The following GRIA4 variants were observed in gnomAD, a reference collection of about 807,000 sequenced individuals.
GRIA4 encodes glutamate receptor 4.
In GRIA4, 34 loss-of-function variants were observed where a neutral mutation model predicts 104.0. The observed-to-expected ratio is 0.33, with a 90% CI of 0.25 to 0.44. The LOEUF is 0.44. GRIA4 is among the 20% of genes least tolerant of loss of function. The pLI is 1.00. For missense variants in GRIA4, 750 were observed against 1,096.5 expected (o/e 0.68, Z 4.46); for synonymous variants, 386 against 381.9 (o/e 1.01, Z -0.13).
intron 9 of GRIA4, among the ~76,000 whole-genome samples, chr11:105,907,092 G>A (rs1947066529): frequency 6.6e-6 from 1 of 152,170 alleles, no homozygotes; most frequent in African/African-American, 2.4e-5. Context: ...AAGAATAGTG[G>A]AAAAAGAAAG....
chr11:105,646,906 C>A (rs913752556), intron 3 of GRIA4, among the ~76,000 whole-genome samples: 2 of 152,032 alleles, frequency 1.3e-5, no homozygotes, highest in African/African-American at 4.8e-5. Flanking sequence ...ACAAAGATGT[C>A]AAAAGCAATT....
intron 4 of GRIA4, among the ~76,000 whole-genome samples, chr11:105,811,940 G>C (rs1472510119): frequency 2.6e-5 from 4 of 152,098 alleles, no homozygotes; most frequent in Non-Finnish European, 4.4e-5. Context: ...TCCTACCCCT[G>C]AGTTTCACCT....
At chr11:105,628,100 C>G (rs1031241683) in intron 3 of GRIA4, among the ~76,000 whole-genome samples, 1 of 149,724 alleles carries the variant, frequency 6.7e-6, no homozygotes, top group Non-Finnish European at 1.5e-5. Flanking sequence ...CACACACAAA[C>G]ACACACACAC....
chr11:105,759,776 T>A (rs1940515112), intron 4 of GRIA4, among the ~76,000 whole-genome samples: 1 of 152,184 alleles, frequency 6.6e-6, no homozygotes, highest in African/African-American at 2.4e-5. Context: ...GGAAGTCTTC[T>A]TCCACACATT....
chr11:105,812,994 T>G (rs532069766), intron 4 of GRIA4, among the ~76,000 whole-genome samples: 2 of 145,022 alleles, frequency 1.4e-5, no homozygotes, highest in Non-Finnish European at 3.0e-5. Flanking sequence ...CTCGGGAGGC[T>G]GAGGCAGGAA....
chr11:105,761,939 G>T (rs1467133857), intron 4 of GRIA4, among the ~76,000 whole-genome samples: 1 of 152,166 alleles, frequency 6.6e-6, no homozygotes, highest in African/African-American at 2.4e-5. Context: ...TGTGTTAGAA[G>T]CAGTTTCCTA....
At chr11:105,722,100 G>C (rs1331747930) in intron 3 of GRIA4, among the ~76,000 whole-genome samples, 1 of 152,064 alleles carries the variant, frequency 6.6e-6, no homozygotes, top group African/African-American at 2.4e-5. Context: ...CTATGAAATT[G>C]TGAAACCTTT....
At chr11:105,899,217 G>A (rs1946769297) in intron 7 of GRIA4, among the ~76,000 whole-genome samples, 1 of 152,136 alleles carries the variant, frequency 6.6e-6, no homozygotes, top group African/African-American at 2.4e-5. Context: ...TATTGGCTAT[G>A]TCCATTTCTT....
chr11:105,740,335 T>C (rs1939226104), intron 3 of GRIA4, among the ~76,000 whole-genome samples: 1 of 152,222 alleles, frequency 6.6e-6, no homozygotes, highest in South Asian at 2.1e-4. Flanking sequence ...GAAACTTAAC[T>C]GCCAGGGTCA....
chr11:105,846,941 C>T (rs538104739), intron 4 of GRIA4, among the ~76,000 whole-genome samples: 1 of 152,318 alleles, frequency 6.6e-6, no homozygotes, highest in African/African-American at 2.4e-5. Flanking sequence ...TGAGGATGAG[C>T]TGGTGCCATC....
intron 3 of GRIA4, among the ~76,000 whole-genome samples, chr11:105,736,692 T>C (rs1359607863): frequency 1.3e-5 from 2 of 152,084 alleles, no homozygotes; most frequent in East Asian, 1.9e-4. Flanking sequence ...TAGATATAAA[T>C]ACATTTAAAT....
At chr11:105,969,770 A>T (rs1445585702) in intron 14 of GRIA4, among the ~76,000 whole-genome samples, 1 of 152,210 alleles carries the variant, frequency 6.6e-6, no homozygotes, top group Non-Finnish European at 1.5e-5. Flanking sequence ...CCCTTAGAGT[A>T]TCAGTTCAAG....
At chr11:105,929,081 G>T (rs965952702) in intron 13 of GRIA4, among the ~76,000 whole-genome samples, 1 of 151,972 alleles carries the variant, frequency 6.6e-6, no homozygotes, top group South Asian at 2.1e-4. Context: ...CTGGCAACAC[G>T]CTTTCAGGAA....
intron 7 of GRIA4, among the ~76,000 whole-genome samples, chr11:105,902,698 A>G (rs144845603): frequency 6.6e-6 from 1 of 152,306 alleles, no homozygotes; most frequent in East Asian, 1.9e-4. Context: ...CACAAAATCA[A>G]GGAGATCATC....
intron 3 of GRIA4, chr11:105,707,479 G>A (rs1376348020): frequency 2.0e-5 from 3 of 152,210 alleles, no homozygotes; most frequent in Non-Finnish European, 4.4e-5. Context: ...TGAATGAAAA[G>A]AAAGAGTTAC....
chr11:105,805,820 C>T (rs1942931785), intron 4 of GRIA4, among the ~76,000 whole-genome samples: 1 of 151,864 alleles, frequency 6.6e-6, no homozygotes, highest in Admixed American at 6.6e-5. Context: ...GACAAAATGT[C>T]AGATTCTGTG....
At chr11:105,805,886 G>A (rs542178196) in intron 4 of GRIA4, among the ~76,000 whole-genome samples, 27 of 151,792 alleles carry the variant, frequency 1.8e-4, no homozygotes, top group Non-Finnish European at 3.5e-4. Flanking sequence ...GGCCTAACTG[G>A]AAACGAAGGG....
chr11:105,736,838 T>C (rs1938985948), intron 3 of GRIA4, among the ~76,000 whole-genome samples: 1 of 152,096 alleles, frequency 6.6e-6, no homozygotes. Flanking sequence ...CAAGTTTTAA[T>C]GCCTTTAAGA....
At chr11:105,727,680 C>T (rs531436326) in intron 3 of GRIA4, among the ~76,000 whole-genome samples, 107 of 152,220 alleles carry the variant, frequency 7.0e-4, no homozygotes, top group Middle Eastern at 3.4e-3. Context: ...CAGATCTCTA[C>T]GCAGAAACCC....
Sources: allele counts gnomAD v4.1 joint callset (sites outside exome capture counted in the v4.1 genomes callset), GRCh38; gene constraint gnomAD v4.1.1; transcripts MANE v1.5; gene names NCBI Gene and HGNC (gene_info 2026-07-23, HGNC 2026-07-21).